MPZL1: variants seen among roughly 807,000 people sequenced by gnomAD.
The protein encoded by MPZL1 is myelin protein zero-like protein 1.
Under a neutral mutation model 29.3 loss-of-function variants are expected in MPZL1, and 16 were observed. The observed-to-expected ratio is 0.55, with a 90% CI of 0.37 to 0.83. MPZL1 has a LOEUF of 0.83. Among genes scored for constraint, MPZL1 ranks in the 40% least tolerant of loss-of-function variants. MPZL1 has a pLI of 0.00. For synonymous variants in MPZL1, 143 were observed against 132.0 expected, an observed-to-expected ratio of 1.08 and a Z score of -0.57; for missense variants, 279 against 332.9, an observed-to-expected ratio of 0.84 and a Z score of 1.26.
At chr1:167,730,814 A>G (rs972622014) in intron 1 of MPZL1, among the ~76,000 whole-genome samples, 3 of 152,060 alleles carry the variant, frequency 2.0e-5, no homozygotes, top group Non-Finnish European at 4.4e-5. Flanking sequence ...GCCTTACAGA[A>G]TGTCCAAACA....
intron 1 of MPZL1, among the ~76,000 whole-genome samples, chr1:167,729,172 A>T (rs989713231): frequency 2.6e-5 from 4 of 151,870 alleles, no homozygotes; most frequent in Non-Finnish European, 4.4e-5. Flanking sequence ...TGGGAGGCTG[A>T]GGCATGAGAA....
intron 2 of MPZL1, among the ~76,000 whole-genome samples, chr1:167,770,534 T>C (rs1407031323): frequency 6.6e-6 from 1 of 152,246 alleles, no homozygotes; most frequent in Non-Finnish European, 1.5e-5. Flanking sequence ...CTGGGCTTTG[T>C]TCCTTTCACA....
chr1:167,722,399 T>C (rs926251408), intron 1 of MPZL1, among the ~76,000 whole-genome samples, 157 bp downstream of exon 1: 2 of 152,018 alleles, frequency 1.3e-5, no homozygotes, highest in Non-Finnish European at 2.9e-5. Flanking sequence ...ACCCAGCCCA[T>C]GGGGAACGCG....
intron 4 of MPZL1, 128 bp from the exon 5 acceptor site, chr1:167,775,936 T>G: frequency 3.8e-6 from 2 of 523,632 alleles, no homozygotes; most frequent in East Asian, 3.4e-5. Flanking sequence ...ACACCCATTG[T>G]TATGTTGTCT....
At chr1:167,771,539 G>C (rs1398353882) in intron 2 of MPZL1, among the ~76,000 whole-genome samples, 2 of 152,138 alleles carry the variant, frequency 1.3e-5, no homozygotes, top group East Asian at 3.8e-4. Flanking sequence ...GTGCAGAAAG[G>C]CTGTCACTTC....
intron 4 of MPZL1, chr1:167,773,846 C>T (rs1026355203): frequency 6.6e-6 from 1 of 151,168 alleles, no homozygotes; most frequent in African/African-American, 2.4e-5. Flanking sequence ...TTGCTTGAGC[C>T]GAGGCGTTTG....
chr1:167,742,707 G>A (rs556419842), intron 1 of MPZL1, among the ~76,000 whole-genome samples: 2 of 152,224 alleles, frequency 1.3e-5, no homozygotes, highest in East Asian at 1.9e-4. Context: ...AAGTCTTTGC[G>A]TAAGCTAATG....
chr1:167,770,115 C>T (rs1344588587), intron 2 of MPZL1, among the ~76,000 whole-genome samples: 1 of 152,074 alleles, frequency 6.6e-6, no homozygotes, highest in Non-Finnish European at 1.5e-5. Flanking sequence ...TTAGGGGACG[C>T]TATTGATGGA....
intron 1 of MPZL1, among the ~76,000 whole-genome samples, chr1:167,731,753 A>C (rs868144690): frequency 6.8e-6 from 1 of 147,858 alleles, no homozygotes; most frequent in Non-Finnish European, 1.5e-5. Flanking sequence ...CTGTGTCTCA[A>C]AAAAAAAAAA....
intron 1 of MPZL1, among the ~76,000 whole-genome samples, chr1:167,728,329 C>T (rs1406494670): frequency 6.7e-6 from 1 of 148,868 alleles, no homozygotes; most frequent in African/African-American, 2.5e-5. Context: ...GTGCCCTGCC[C>T]AAATTTTTTT....
chr1:167,763,043 A>G (rs965466815), intron 1 of MPZL1, among the ~76,000 whole-genome samples: 2 of 152,236 alleles, frequency 1.3e-5, no homozygotes, highest in East Asian at 3.8e-4. Context: ...TAACTTTGGT[A>G]TAATGAAATC....
At chr1:167,771,653 G>T (rs558642059) in intron 2 of MPZL1, among the ~76,000 whole-genome samples, 34 of 151,770 alleles carry the variant, frequency 2.2e-4, no homozygotes, top group African/African-American at 8.3e-4. Context: ...AGGGTGGCCG[G>T]GCAGAGGGGC....
At chr1:167,739,327 G>C (rs1245794644) in intron 1 of MPZL1, among the ~76,000 whole-genome samples, 1 of 94,494 alleles carries the variant, frequency 1.1e-5, no homozygotes, top group East Asian at 2.9e-4. Context: ...ATATATTTAT[G>C]TTTATTCTTT....
At chr1:167,736,215 G>A (rs1333850305) in intron 1 of MPZL1, among the ~76,000 whole-genome samples, 1 of 152,060 alleles carries the variant, frequency 6.6e-6, no homozygotes, top group Non-Finnish European at 1.5e-5. Context: ...ATTTTCCTTA[G>A]GCAGGTTCTG....
chr1:167,756,375 C>T (rs1181361472), intron 1 of MPZL1, among the ~76,000 whole-genome samples: 1 of 151,402 alleles, frequency 6.6e-6, no homozygotes, highest in Non-Finnish European at 1.5e-5. Flanking sequence ...CATCCTCCTG[C>T]CTCAGCCTCC....
intron 3 of MPZL1, 122 bp downstream of exon 3, chr1:167,772,610 C>G: frequency 1.2e-6 from 1 of 842,824 alleles, no homozygotes; most frequent in South Asian, 1.8e-5. Context: ...CAGTTGTGCT[C>G]CCTGTTGCCA....
intron 5 of MPZL1, among the ~76,000 whole-genome samples, chr1:167,786,483 G>A (rs1238037734): frequency 6.6e-6 from 1 of 152,186 alleles, no homozygotes; most frequent in Non-Finnish European, 1.5e-5. Context: ...TTACAAATGT[G>A]CCCAGGGCCA....
intron 1 of MPZL1, among the ~76,000 whole-genome samples, chr1:167,723,737 C>T (rs991537312): frequency 1.3e-5 from 2 of 152,110 alleles, no homozygotes; most frequent in East Asian, 1.9e-4. Flanking sequence ...ACAACTTGGA[C>T]GTAACTCTTC....
intron 1 of MPZL1, among the ~76,000 whole-genome samples, chr1:167,730,295 T>C (rs1302981376): frequency 6.6e-6 from 1 of 152,174 alleles, no homozygotes; most frequent in Non-Finnish European, 1.5e-5. Flanking sequence ...CTTTTCTTTT[T>C]TGAGGCAGAG....
Sources: gnomAD v4.1 joint callset for allele counts (sites outside exome capture counted in the v4.1 genomes callset) on GRCh38, gnomAD v4.1.1 for gene constraint, MANE v1.5 for transcripts, NCBI Gene and HGNC (gene_info 2026-07-23, HGNC 2026-07-21) for gene names.